The following ZNF267 variants were observed in gnomAD, a reference collection of about 807,000 sequenced individuals.
The protein encoded by ZNF267 is zinc finger protein 267.
A neutral mutation model predicts 71.6 loss-of-function variants in ZNF267; 61 were observed. That is an observed-to-expected ratio of 0.85 (90% CI 0.69 to 1.05). The LOEUF is 1.05. Among genes scored for constraint, ZNF267 ranks in the 50% least tolerant of loss-of-function variants. The pLI is 0.00. For missense variants in ZNF267, 852 were observed against 870.0 expected, an observed-to-expected ratio of 0.98 and a Z score of 0.26; for synonymous variants, 288 against 293.2, an observed-to-expected ratio of 0.98 and a Z score of 0.18.
At chr16:31,880,090 G>A (rs2083879551) in intron 1 of ZNF267, among the ~76,000 whole-genome samples, 1 of 152,114 alleles carries the variant, frequency 6.6e-6, no homozygotes, top group Admixed American at 6.6e-5. Context: ...GCACATAAAG[G>A]CTGGTCTCCA....
Position 31,915,495 on chromosome 16 carries a change from G to C in ZNF267, c.1246G>C (p.Ala416Pro). ...KPYKCKECGK[A>P]FRCSSYLTKH... ...ATACAAATGTAAAGAATGTGGCAAA[G>C]CCTTTCGCTGTAGTTCATACCTTAC... The change falls in exon 4 of 4, where the codon GCC becomes CCC. Residue 416 changes from alanine (A) to proline (P), a missense_variant. By Grantham distance (27) the Ala-to-Pro change is conservative (BLOSUM62 -1). Transcript: ENST00000300870. 1 of 1,613,630 alleles carries C rather than the reference G, an allele frequency of 6.2e-7. No individual in the cohort carries two copies. The highest frequency in any genetic ancestry group is 8.5e-7 in the Non-Finnish European group (1 of 1,179,866).
intron 1 of ZNF267, among the ~76,000 whole-genome samples, chr16:31,884,250 G>A (rs1567472393): frequency 6.6e-6 from 1 of 152,114 alleles, no homozygotes; most frequent in Non-Finnish European, 1.5e-5. Flanking sequence ...GTATATTCCT[G>A]TGTTGATGCC....
At chr16:31,887,208 A>C (rs541981154) in intron 3 of ZNF267, among the ~76,000 whole-genome samples, 1 of 151,348 alleles carries the variant, frequency 6.6e-6, no homozygotes, top group African/African-American at 2.4e-5. Context: ...TCATATTTTG[A>C]GAAATGTCTA....
At chr16:31,907,049 A>AT (rs1396150690) in intron 3 of ZNF267, among the ~76,000 whole-genome samples, 1 of 151,666 alleles carries the variant, frequency 6.6e-6, no homozygotes, top group African/African-American at 2.4e-5. Context: ...GGCTTGTGAG[A>AT]TTTTTTGCTG....
At chr16:31,895,003 T>C in intron 3 of ZNF267, 3 of 318,686 alleles carry the variant, frequency 9.4e-6, no homozygotes, top group Non-Finnish European at 1.8e-5. Flanking sequence ...AATATGAAAC[T>C]GCGTCTGGCT....
chr16:31,876,921 C>T (rs1466411602), intron 1 of ZNF267, among the ~76,000 whole-genome samples: 1 of 152,094 alleles, frequency 6.6e-6, no homozygotes, highest in Non-Finnish European at 1.5e-5. Context: ...ATGGAAGGAG[C>T]CCTTTATACT....
chr16:31,884,435 TTGGGACAAATGAAGAAC>T (rs1219672683), intron 1 of ZNF267, 46 bp from the exon 2 acceptor site: 1 of 1,607,314 alleles, frequency 6.2e-7, no homozygotes, highest in East Asian at 2.2e-5. Flanking sequence ...TCATTTCATC[TTGGGACAAATGAAGAAC>T]TCTGCCATGG....
intron 3 of ZNF267, among the ~76,000 whole-genome samples, chr16:31,908,398 T>G (rs779092901): frequency 6.6e-6 from 1 of 152,228 alleles, no homozygotes; most frequent in Non-Finnish European, 1.5e-5. Flanking sequence ...AGGTGCTTTT[T>G]AACTTGACAT....
chr16:31,915,989 AT>A lies in ZNF267; in HGVS notation c.1741del (p.Cys581ValfsTer184). On this transcript the variant is annotated frameshift_variant, in exon 4 of 4. Transcript: ENST00000300870. LOFTEE classifies it high-confidence loss of function. ...TGEKPYKCKA[C>X]SKSFSDSSGL... ...GAGAAAAACCATACAAATGTAAAGC[AT>A]GTAGCAAATCTTTTAGTGACTCCTC... 6.2e-7 allele frequency: 1 copy of A among 1,612,752 alleles called. No homozygotes were observed. Among genetic ancestry groups the A allele is most frequent in the East Asian group, 2.2e-5 (1 of 44,864 alleles).
Position 31,917,081 on chromosome 16 carries a change from T to C in ZNF267, c.*600T>C, listed in dbSNP as rs1180493261. 1 of 152,386 alleles carries C rather than the reference T, an allele frequency of 6.6e-6. No homozygotes were observed. Among genetic ancestry groups the C allele is most frequent in the Non-Finnish European group, 1.5e-5 (1 of 68,168 alleles). 9.4% of individuals were successfully genotyped at this position (152,386 alleles called of 1,614,324 possible). A position where few individuals can be genotyped will look rare whatever the true frequency, so the allele number is the denominator to read the frequency against. ...GTTTTTGGAAAGCAAATATTATTTA[T>C]ATAATTCAGCTTTCAAATCTGTTGC... On this transcript the variant is annotated 3_prime_UTR_variant, in exon 4 of 4. Coordinates refer to ENST00000300870, the MANE Select transcript of ZNF267 (RefSeq NM_003414.6).
chr16:31,907,730 T>A (rs74498487), intron 3 of ZNF267, among the ~76,000 whole-genome samples: 3,454 of 152,114 alleles, frequency 0.023, 122 homozygotes, highest in African/African-American at 0.078. Context: ...ATTGAGACCC[T>A]GTGTCTATAA....
At chr16:31,888,292 C>G (rs150265007) in intron 3 of ZNF267, among the ~76,000 whole-genome samples, 1 of 152,040 alleles carries the variant, frequency 6.6e-6, no homozygotes, top group African/African-American at 2.4e-5. Context: ...TCTGTATCTT[C>G]AAATCACTTC....
chr16:31,914,618 A>C lies in ZNF267; in HGVS notation c.369A>C (p.Glu123Asp). Residue 123 changes from glutamate to aspartate, a missense_variant, in exon 4 of 4, where the codon GAA becomes GAC. Transcript: ENST00000300870. ...AAAGGTGGAAAAGGGAGGAGTGTGA[A>C]GGGCACAATGGATGTTATGATGAAA... ...LRKRWKREECEGHNGCYDEKT... is the reference protein window; with the variant it reads ...LRKRWKREECDGHNGCYDEKT... 3 of 1,614,108 alleles carry C rather than the reference A, an allele frequency of 1.9e-6. No individual in the cohort carries two copies. Among genetic ancestry groups the C allele is most frequent in the Non-Finnish European group, 2.5e-6 (3 of 1,180,004 alleles).
chr16:31,881,231 G>A (rs2083887854), intron 1 of ZNF267, among the ~76,000 whole-genome samples: 2 of 152,166 alleles, frequency 1.3e-5, no homozygotes, highest in South Asian at 2.1e-4. Flanking sequence ...TGGGAGTCAA[G>A]TTCTTGTTGG....
intron 3 of ZNF267, chr16:31,912,023 T>A (rs2084139680): frequency 6.6e-6 from 1 of 151,720 alleles, no homozygotes; most frequent in African/African-American, 2.4e-5. Flanking sequence ...ACTGTCTTTG[T>A]CTTGAAACAT....
chr16:31,912,400 A>T (rs572662180), intron 3 of ZNF267: 1 of 151,844 alleles, frequency 6.6e-6, no homozygotes, highest in African/African-American at 2.4e-5. Flanking sequence ...TTTCCACTGA[A>T]AATCTGCTGC....
chr16:31,882,489 C>A (rs2083897411), intron 1 of ZNF267, among the ~76,000 whole-genome samples: 1 of 152,126 alleles, frequency 6.6e-6, no homozygotes, highest in Non-Finnish European at 1.5e-5. Flanking sequence ...GTTAAAGAAG[C>A]CAGTTCATGG....
At chr16:31,888,251 TTTTG>T (rs1314700740) in intron 3 of ZNF267, among the ~76,000 whole-genome samples, 1 of 152,078 alleles carries the variant, frequency 6.6e-6, no homozygotes, top group African/African-American at 2.4e-5. Context: ...TAGCTCTATT[TTTTG>T]TTTGTTTGGT....
chr16:31,879,860 A>G (rs2083877772), intron 1 of ZNF267, among the ~76,000 whole-genome samples: 1 of 152,188 alleles, frequency 6.6e-6, no homozygotes, highest in Non-Finnish European at 1.5e-5. Flanking sequence ...GAATCTCAAC[A>G]TTCCCTTCAT....
Sources: allele counts gnomAD v4.1 joint callset (sites outside exome capture counted in the v4.1 genomes callset), GRCh38; gene constraint gnomAD v4.1.1; transcripts MANE v1.5; gene names NCBI Gene and HGNC (gene_info 2026-07-23, HGNC 2026-07-21).